The following SPMIP2 variants were observed in gnomAD, a reference collection of about 807,000 sequenced individuals.
The protein encoded by SPMIP2 is sperm microtubule inner protein 2.
At chr4:158,947,432 C>A in the SPMIP2 span, among the ~76,000 whole-genome samples, 1 of 152,274 alleles carries the variant, frequency 6.6e-6, no homozygotes, top group Non-Finnish European at 1.5e-5. Context: ...ACACCTTACA[C>A]CTTTCTGAAT....
the SPMIP2 span, among the ~76,000 whole-genome samples, chr4:159,045,420 A>G: frequency 6.6e-6 from 1 of 152,242 alleles, no homozygotes; most frequent in Non-Finnish European, 1.5e-5. Context: ...TTCTCATAAC[A>G]GCTAACACTA....
At chr4:159,055,660 A>G in the SPMIP2 span, among the ~76,000 whole-genome samples, 1 of 152,168 alleles carries the variant, frequency 6.6e-6, no homozygotes, top group Non-Finnish European at 1.5e-5. Flanking sequence ...CAGTGAGACA[A>G]GATTATGCCA....
chr4:158,934,384 C>T, the SPMIP2 span, among the ~76,000 whole-genome samples: 3 of 152,248 alleles, frequency 2.0e-5, no homozygotes, highest in South Asian at 4.1e-4. Flanking sequence ...ATTGCTTGAA[C>T]CCAGGAGGTG....
the SPMIP2 span, among the ~76,000 whole-genome samples, chr4:159,055,232 C>T: frequency 2.0e-5 from 3 of 152,250 alleles, no homozygotes; most frequent in South Asian, 4.1e-4. Flanking sequence ...GTATCTGTGG[C>T]GCTGCCTGGA....
the SPMIP2 span, among the ~76,000 whole-genome samples, chr4:159,074,515 TC>T: frequency 6.6e-6 from 1 of 152,106 alleles, no homozygotes; most frequent in African/African-American, 2.4e-5. Context: ...ACAAGCCACT[TC>T]CCTCCAATTT....
the SPMIP2 span, among the ~76,000 whole-genome samples, chr4:159,043,151 C>T: frequency 6.6e-6 from 1 of 152,156 alleles, no homozygotes; most frequent in Admixed American, 6.5e-5. Flanking sequence ...TATCCCCTAT[C>T]CAGTTTACCA....
At chr4:158,956,993 G>T in the SPMIP2 span, among the ~76,000 whole-genome samples, 2 of 151,364 alleles carry the variant, frequency 1.3e-5, no homozygotes, top group African/African-American at 4.9e-5. Context: ...GTACAGTGGT[G>T]TGATCTCGGC....
the SPMIP2 span, chr4:158,915,287 A>G: frequency 6.2e-7 from 1 of 1,613,716 alleles, no homozygotes; most frequent in East Asian, 2.2e-5. Flanking sequence ...TGTCCTCGAA[A>G]GCACTCATAT....
At chr4:159,050,813 TAAAA>T in the SPMIP2 span, among the ~76,000 whole-genome samples, 69 of 148,680 alleles carry the variant, frequency 4.6e-4, no homozygotes, top group Non-Finnish European at 6.7e-4. Context: ...AAAAAAGCTA[TAAAA>T]AAAAATCTTG....
chr4:159,051,024 C>T, the SPMIP2 span, among the ~76,000 whole-genome samples: 2,329 of 151,126 alleles, frequency 0.015, 61 homozygotes, highest in African/African-American at 0.054. Context: ...GGAGAATCAC[C>T]TGAACCCAGG....
the SPMIP2 span, among the ~76,000 whole-genome samples, chr4:158,902,314 G>A: frequency 6.6e-6 from 1 of 152,188 alleles, no homozygotes; most frequent in Admixed American, 6.5e-5. Flanking sequence ...CACCAGCGGA[G>A]GCTGTAGAAC....
At chr4:158,895,725 A>G in the SPMIP2 span, 2 of 1,440,288 alleles carry the variant, frequency 1.4e-6, no homozygotes, top group Non-Finnish European at 1.9e-6. Flanking sequence ...TCTAGCCCTC[A>G]TTGTGAATGT....
chr4:158,988,784 G>C, the SPMIP2 span, among the ~76,000 whole-genome samples: 18 of 152,180 alleles, frequency 1.2e-4, no homozygotes, highest in Non-Finnish European at 1.2e-4. Context: ...ATATCATACT[G>C]AATGGCCAAA....
the SPMIP2 span, among the ~76,000 whole-genome samples, chr4:158,984,836 A>G: frequency 6.6e-6 from 1 of 151,864 alleles, no homozygotes; most frequent in Non-Finnish European, 1.5e-5. Context: ...AAATTAATGA[A>G]TCCAGAAGCT....
chr4:158,966,144 TG>T, the SPMIP2 span, among the ~76,000 whole-genome samples: 2 of 152,200 alleles, frequency 1.3e-5, no homozygotes, highest in African/African-American at 4.8e-5. Flanking sequence ...GACCATGTAG[TG>T]GGGGACCCCT....
At chr4:159,020,854 C>T in the SPMIP2 span, among the ~76,000 whole-genome samples, 1 of 152,088 alleles carries the variant, frequency 6.6e-6, no homozygotes, top group African/African-American at 2.4e-5. Flanking sequence ...CTCCGCCTCC[C>T]GGGTTCACGC....
the SPMIP2 span, chr4:159,034,890 CAA>C: frequency 5.5e-5 from 28 of 512,314 alleles, no homozygotes; most frequent in Non-Finnish European, 6.6e-5. Context: ...GACTCTGTCT[CAA>C]AAAAAAAAAC....
At chr4:159,004,467 T>G in the SPMIP2 span, among the ~76,000 whole-genome samples, 1 of 152,070 alleles carries the variant, frequency 6.6e-6, no homozygotes, top group Non-Finnish European at 1.5e-5. Context: ...ATTTTTGTAT[T>G]TTTAGTAGAG....
chr4:158,911,603 C>A, the SPMIP2 span, among the ~76,000 whole-genome samples: 3 of 152,078 alleles, frequency 2.0e-5, no homozygotes, highest in African/African-American at 7.2e-5. Context: ...AAATTCAATT[C>A]ATTGTCAAAT....
Sources: allele counts gnomAD v4.1 joint callset (sites outside exome capture counted in the v4.1 genomes callset), GRCh38; gene constraint gnomAD v4.1.1; transcripts MANE v1.5; gene names NCBI Gene and HGNC (gene_info 2026-07-23, HGNC 2026-07-21).